Variants in PHLPP1 observed in about 807,000 individuals in gnomAD.
PHLPP1 encodes the protein PH domain leucine-rich repeat-containing protein phosphatase 1.
A neutral mutation model predicts 117.2 loss-of-function variants in PHLPP1; 42 were observed. The ratio of observed to expected loss-of-function variants is 0.36; its 90% CI spans 0.28 to 0.46. The LOEUF is 0.46. PHLPP1 is among the 20% of genes least tolerant of loss of function. PHLPP1 has a pLI of 1.00. For synonymous variants in PHLPP1, 1,042 were observed against 970.7 expected, an observed-to-expected ratio of 1.07 and a Z score of -1.37; for missense variants, 2,084 against 2,241.9, an observed-to-expected ratio of 0.93 and a Z score of 1.42.
chr18:62,868,010 C>G (rs1292986900), intron 4 of PHLPP1, among the ~76,000 whole-genome samples: 2 of 152,104 alleles, frequency 1.3e-5, no homozygotes, highest in African/African-American at 4.8e-5. Context: ...CAAGGTTTCA[C>G]TGTTTTAGCC....
rs1364750488 is a variant in PHLPP1 at position 62,716,060 on chromosome 18, T to C, written c.377T>C (p.Leu126Pro). The change falls in exon 1 of 17, where the codon CTG (leucine) becomes CCG (proline). Residue 126 changes from leucine (L) to proline (P), a missense_variant. Physicochemically the swap from Leu to Pro is moderately conservative, Grantham distance 98 (BLOSUM62 -3). This residue lies in a region of PHLPP1 where 719 missense variants were observed against 636.0 expected (regional missense o/e 1.13). Coordinates refer to ENST00000262719, the MANE Select transcript of PHLPP1 (RefSeq NM_194449.4). This position sits in a 1 kb window ranked among gnomAD's most constrained non-coding sequence, Gnocchi z 5.7. ...ANSLLLRRGR[L>P]KRNLSAAAAA... ...TCCCTCCTGCTGAGGAGAGGGCGGCTGAAGAGGAATCTGTCCGCGGCCGCC... is the reference window on the plus strand; with the variant it reads ...TCCCTCCTGCTGAGGAGAGGGCGGCCGAAGAGGAATCTGTCCGCGGCCGCC... The C allele has an allele frequency of 6.8e-7, 1 of 1,478,930 alleles. No homozygotes were observed. Among genetic ancestry groups the C allele is most frequent in the Admixed American group, 2.3e-5 (1 of 43,142 alleles). 91.6% of individuals were successfully genotyped at this position (1,478,930 alleles called of 1,614,324 possible). A position where few individuals can be genotyped will look rare whatever the true frequency, so the allele number is the denominator to read the frequency against.
At chr18:62,788,375 G>A (rs1368218848) in intron 1 of PHLPP1, among the ~76,000 whole-genome samples, 3 of 152,146 alleles carry the variant, frequency 2.0e-5, no homozygotes, top group Non-Finnish European at 4.4e-5. Context: ...GACTTGCAGT[G>A]CATGTGTAAT....
rs140925261 is a variant in PHLPP1 at position 62,888,562 on chromosome 18, G to A, written c.2067-6449G>A. Among the ~76,000 whole-genome samples the A allele has an allele frequency of 5.3e-4, 80 of 152,212 alleles. No individual in the cohort carries two copies. In the East Asian group the frequency reaches 0.012, roughly 22 times the overall value. ...CCAAAAATACAAAACTTAGCTGGAC[G>A]TGGTGATGCACACCTGTGGTCCCAG... On this transcript the variant is annotated intron_variant, in intron 4 of 16. Coordinates refer to ENST00000262719, the MANE Select transcript of PHLPP1 (RefSeq NM_194449.4).
intron 14 of PHLPP1, among the ~76,000 whole-genome samples, chr18:62,967,179 C>A (rs919029937): frequency 1.3e-5 from 2 of 152,122 alleles, no homozygotes; most frequent in Admixed American, 6.6e-5. Context: ...TTAGCAATTG[C>A]GAATGAAAGT....
At chr18:62,962,835 G>A (rs925375145) in intron 13 of PHLPP1, among the ~76,000 whole-genome samples, 7 of 152,004 alleles carry the variant, frequency 4.6e-5, no homozygotes, top group Non-Finnish European at 7.4e-5. Context: ...GGCTATACCC[G>A]TGAGGAGAGT....
chr18:62,772,187 A>T (rs911092612), intron 1 of PHLPP1, among the ~76,000 whole-genome samples: 1 of 152,230 alleles, frequency 6.6e-6, no homozygotes, highest in African/African-American at 2.4e-5. Context: ...CAGACTATAA[A>T]GTTAGTATGT....
At position 62,978,130 on chromosome 18, in the gene PHLPP1, T is replaced by C. The variant is rs1911248012; in HGVS notation, c.3985-132T>C. 1 of 609,116 alleles carries C rather than the reference T, an allele frequency of 1.6e-6. No homozygotes were observed. The highest frequency in any genetic ancestry group is 1.9e-5 in the African/African-American group (1 of 53,924). The allele number at this position is 609,116 out of a possible 1,614,324, so 37.7% of individuals were successfully genotyped here. ...CTACTCACTACAGAGTGAGCCCTTC[T>C]TTCCTCTGTGGGCCACACAGCACTT... On this transcript the variant is annotated intron_variant, in intron 16 of 16. Transcript: ENST00000262719. This position sits in a 1 kb window ranked among gnomAD's most constrained non-coding sequence, Gnocchi z 7.0.
intron 1 of PHLPP1, among the ~76,000 whole-genome samples, chr18:62,720,142 C>T (rs1043426203): frequency 2.0e-5 from 3 of 152,232 alleles, no homozygotes; most frequent in East Asian, 3.9e-4. Flanking sequence ...AATCGGACAT[C>T]TTAAATTTTG....
intron 1 of PHLPP1, among the ~76,000 whole-genome samples, chr18:62,722,654 A>G (rs541583126): frequency 2.0e-5 from 3 of 152,296 alleles, no homozygotes; most frequent in East Asian, 3.9e-4. Flanking sequence ...CTTTCTAAAG[A>G]TAATATAATT....
At chr18:62,962,892 G>T (rs1487405100) in intron 13 of PHLPP1, among the ~76,000 whole-genome samples, 1 of 152,208 alleles carries the variant, frequency 6.6e-6, no homozygotes, top group Non-Finnish European at 1.5e-5. Flanking sequence ...ATTTGGAGGG[G>T]TTATATGGAC....
intron 1 of PHLPP1, among the ~76,000 whole-genome samples, chr18:62,753,981 T>C (rs1283497940): frequency 6.6e-6 from 1 of 152,170 alleles, no homozygotes; most frequent in African/African-American, 2.4e-5. Flanking sequence ...TATTCCTGAT[T>C]GTCAATAAAG....
At chr18:62,905,349 G>C (rs1443732965) in intron 8 of PHLPP1, 65 bp downstream of exon 8, 1 of 778,900 alleles carries the variant, frequency 1.3e-6, no homozygotes, top group Non-Finnish European at 1.9e-6. Flanking sequence ...TTCTGTCTGA[G>C]CTTATGCACA....
At chr18:62,822,476 G>A (rs1176558583) in intron 1 of PHLPP1, among the ~76,000 whole-genome samples, 1 of 151,708 alleles carries the variant, frequency 6.6e-6, no homozygotes, top group Non-Finnish European at 1.5e-5. Context: ...AGTAGAGACG[G>A]GGTTTCACCG....
Position 62,716,614 on chromosome 18 carries a change from G to A in PHLPP1, c.931G>A (p.Gly311Arg), listed in dbSNP as rs1460567923. ...ACCCCTGCCCGTCGGCGGCCCGGGC[G>A]GGTGGTCGCGCCGCGCCAGCCCAGC... ...DLPLPVGGPG[G>R]WSRRASPAPS... Residue 311 changes from glycine to arginine, a missense_variant, in exon 1 of 17, where the codon GGG becomes AGG. By Grantham distance (125) the Gly-to-Arg change is moderately radical. This residue lies in a region of PHLPP1 where 719 missense variants were observed against 636.0 expected (regional missense o/e 1.13). Transcript: ENST00000262719. This position sits in a 1 kb window ranked among gnomAD's most constrained non-coding sequence, Gnocchi z 5.7. 15 of 1,310,782 alleles carry A rather than the reference G, an allele frequency of 1.1e-5. 1 individual carries two copies. Among genetic ancestry groups the A allele is most frequent in the Middle Eastern group, 2.1e-4 (1 of 4,862 alleles). The allele number at this position is 1,310,782 out of a possible 1,614,324, so 81.2% of individuals were successfully genotyped here.
intron 3 of PHLPP1, among the ~76,000 whole-genome samples, chr18:62,842,468 A>G (rs1361452180): frequency 6.6e-6 from 1 of 152,016 alleles, no homozygotes; most frequent in Admixed American, 6.6e-5. Flanking sequence ...GGTTCAAGCA[A>G]TTCCCACCTC....
chr18:62,820,550 GGTGA>G (rs532281675), intron 1 of PHLPP1, among the ~76,000 whole-genome samples: 3 of 152,190 alleles, frequency 2.0e-5, no homozygotes, highest in African/African-American at 4.8e-5. Flanking sequence ...TTCTCATGAT[GGTGA>G]GTGAGTTCTC....
chr18:62,901,598 A>G (rs1916725598), intron 6 of PHLPP1, among the ~76,000 whole-genome samples: 1 of 150,032 alleles, frequency 6.7e-6, no homozygotes, highest in Non-Finnish European at 1.5e-5. Context: ...TTTTTCCTGT[A>G]CTCTAGACTT....
chr18:62,843,304 A>G (rs1915100166), intron 3 of PHLPP1, among the ~76,000 whole-genome samples: 1 of 152,208 alleles, frequency 6.6e-6, no homozygotes, highest in Non-Finnish European at 1.5e-5. Flanking sequence ...TAGGAGGGCA[A>G]AAAAGAAACA....
chr18:62,855,890 C>T (rs1915482800), intron 3 of PHLPP1, among the ~76,000 whole-genome samples: 1 of 152,206 alleles, frequency 6.6e-6, no homozygotes, highest in Non-Finnish European at 1.5e-5. Flanking sequence ...ATAAGGTCGT[C>T]TTCTGGCCAT....
Sources: gnomAD v4.1 joint callset for allele counts (sites outside exome capture counted in the v4.1 genomes callset) on GRCh38, gnomAD v4.1.1 for gene constraint, gnomAD v4.1.1 regional missense constraint, Gnocchi (gnomAD v3.1) non-coding constraint, MANE v1.5 for transcripts, NCBI Gene and HGNC (gene_info 2026-07-23, HGNC 2026-07-21) for gene names.